The following DHRS2 variants were observed in gnomAD, a reference collection of about 807,000 sequenced individuals.
DHRS2 encodes the protein dehydrogenase/reductase SDR family member 2, mitochondrial.
Under a neutral mutation model 26.3 loss-of-function variants are expected in DHRS2, and 29 were observed. That is an observed-to-expected ratio of 1.10 (90% CI 0.82 to 1.50). The LOEUF is 1.50. Ranked by LOEUF, DHRS2 falls within the 40% of genes most tolerant of loss-of-function variation. DHRS2 has a pLI of 0.00. For synonymous variants in DHRS2, 164 were observed against 151.3 expected (o/e 1.08, Z -0.62); for missense variants, 439 against 367.1 (o/e 1.20, Z -1.60).
At chr14:23,639,477 C>G (rs1377552813) in intron 3 of DHRS2, 121 bp downstream of exon 3, 4 of 1,349,224 alleles carry the variant, frequency 3.0e-6, no homozygotes, top group Non-Finnish European at 3.9e-6. Context: ...ACCCAGGCTG[C>G]CCAAGCTAAC....
In DHRS2 at chr14:23,639,021, C is replaced by T; in HGVS notation, c.140+17C>T. The T allele has an allele frequency of 6.2e-7, 1 of 1,611,574 alleles. No individual in the cohort carries two copies. Among genetic ancestry groups the T allele is most frequent in the Non-Finnish European group, 8.5e-7 (1 of 1,179,402 alleles). Reference sequence around the variant, plus strand: ...CACCAGTGGGTGAGTGCTGGATTGCCCATGGGTCCTGGCCCCTCACAGGGT... The same window carrying T: ...CACCAGTGGGTGAGTGCTGGATTGCTCATGGGTCCTGGCCCCTCACAGGGT... On this transcript the variant is annotated intron_variant, in intron 2 of 8. Transcript: ENST00000250383.
At chr14:23,634,091 G>A (rs1594234130), upstream of DHRS2, among the ~76,000 whole-genome samples, 2 of 92,688 alleles carry the variant, frequency 2.2e-5, no homozygotes, top group Non-Finnish European at 1.9e-5. Flanking sequence ...TTTTTGAGAC[G>A]GAGTCTCCCT....
rs200052546 is a variant in DHRS2 at position 23,644,134 on chromosome 14, C to T, written c.512C>T (p.Ser171Phe). The T allele has an allele frequency of 6.2e-6, 10 of 1,614,196 alleles. No individual in the cohort carries two copies. The African/African-American group carries it at 1.3e-4, about 22-fold the overall frequency. ...AGGAGGGGTGCTGTCATCCTGGTCT[C>T]TTCCATTGCAGCTTATAATCCAGTA... ...ENRRGAVILV[S>F]SIAAYNPVVA... The change falls in exon 6 of 9, where the codon TCT becomes TTT. Residue 171 changes from serine to phenylalanine, a missense_variant. Coordinates refer to ENST00000250383, the MANE Select transcript of DHRS2 (RefSeq NM_005794.4).
intron 2 of DHRS2, 70 bp downstream of exon 2, chr14:23,639,074 T>A: frequency 6.3e-7 from 1 of 1,593,946 alleles, no homozygotes; most frequent in Non-Finnish European, 8.5e-7. Flanking sequence ...GGACTCAGGG[T>A]TTTAAAGCAA....
chr14:23,641,852 C>T, intron 4 of DHRS2: 5 of 1,239,000 alleles, frequency 4.0e-6, no homozygotes, highest in Admixed American at 2.6e-5. Context: ...GTGAACAGTC[C>T]TGGTGAGTTG....
intron 1 of DHRS2, 142 bp from the exon 2 acceptor site, chr14:23,638,685 C>G: frequency 1.3e-6 from 1 of 782,932 alleles, no homozygotes; most frequent in Non-Finnish European, 2.0e-6. Context: ...CTGAGGTTCA[C>G]ATGTTTGAAA....
At chr14:23,633,869 TG>T (rs1047166171), upstream of DHRS2, among the ~76,000 whole-genome samples, 15 of 152,196 alleles carry the variant, frequency 9.9e-5, no homozygotes, top group African/African-American at 3.6e-4. Context: ...TTAAGCTGCT[TG>T]AATTTTAAAA....
rs1331444099 is a variant in DHRS2, at chr14:23,645,202, C to T, written c.792C>T (p.Ser264=). Residue 264 remains serine, a synonymous_variant, in exon 9 of 9, where the codon AGC becomes AGT. Coordinates refer to ENST00000250383, the MANE Select transcript of DHRS2 (RefSeq NM_005794.4). ...CCTTCCTGTGCTCTCCAGATGCCAG[C>T]TACGTCAACGGGGAGAACATTGCGG... ...IVSFLCSPDA[S]YVNGENIAVA... 1 of 1,614,072 alleles carries T rather than the reference C, an allele frequency of 6.2e-7. No homozygotes were observed.
intron 4 of DHRS2, 127 bp downstream of exon 4, chr14:23,640,022 G>A: frequency 3.4e-6 from 3 of 890,032 alleles, no homozygotes; most frequent in Non-Finnish European, 4.6e-6. Flanking sequence ...GCCCTGGGTG[G>A]TAGTCCTGCC....
intron 6 of DHRS2, 46 bp from the exon 7 acceptor site, chr14:23,644,363 C>T: frequency 6.2e-7 from 1 of 1,609,514 alleles, no homozygotes; most frequent in Non-Finnish European, 8.5e-7. Context: ...CTGATGCTTT[C>T]CCCCACTCTC....
upstream of DHRS2, among the ~76,000 whole-genome samples, chr14:23,635,885 C>T (rs139552199): frequency 3.1e-3 from 470 of 152,378 alleles, 2 homozygotes; most frequent in African/African-American, 0.011. Context: ...CCAGCTGGGC[C>T]TGACTGGGGG....
chr14:23,643,427 C>T, intron 5 of DHRS2: 1 of 564,442 alleles, frequency 1.8e-6, no homozygotes, highest in Non-Finnish European at 3.2e-6. Flanking sequence ...TCCAGGGGCC[C>T]AGGCATAGCC....
chr14:23,643,024 T>G (rs916958651), intron 4 of DHRS2, 128 bp from the exon 5 acceptor site: 1 of 843,482 alleles, frequency 1.2e-6, no homozygotes. Context: ...AGAAGGGGGA[T>G]TGGTTTCTCT....
Position 23,644,847 on chromosome 14 carries a change from C to T in DHRS2, c.696C>T (p.Leu232=). 6.2e-7 allele frequency: 1 copy of T among 1,614,202 alleles called. No homozygotes were observed. Among genetic ancestry groups the T allele is most frequent in the South Asian group, 1.1e-5 (1 of 91,088 alleles). Residue 232 remains leucine, a synonymous_variant, in exon 8 of 9, where the codon CTC becomes CTT. Coordinates refer to ENST00000250383, the MANE Select transcript of DHRS2 (RefSeq NM_005794.4). ...FSKVFHGNES[L]WKNFKEHHQL... ...CCCAGTTTCATGGGAATGAGTCTCT[C>T]TGGAAGAACTTCAAGGAACATCATC...
chr14:23,639,152 AC>A, intron 2 of DHRS2, 26 bp from the exon 3 acceptor site: 3 of 1,609,472 alleles, frequency 1.9e-6, no homozygotes, highest in Non-Finnish European at 2.5e-6. Flanking sequence ...GCTGAGGCTG[AC>A]TTTTGCCCTC....
upstream of DHRS2, among the ~76,000 whole-genome samples, chr14:23,634,879 G>T (rs540368267): frequency 7.9e-5 from 12 of 152,232 alleles, no homozygotes; most frequent in Non-Finnish European, 1.5e-4. Context: ...TTGTTTGGAA[G>T]TGTGTAGCAC....
rs1890292087 is a variant in DHRS2 at position 23,636,510 on chromosome 14, G to A, written c.-301G>A. On this transcript the variant is annotated 5_prime_UTR_variant, in exon 1 of 9. Transcript: ENST00000250383. ...CGAAGGTCTGCAACTTCACTCCTGG[G>A]GCCAGCAAGACCACGAATGCACCGA... The A allele has an allele frequency of 6.6e-6, 1 of 151,954 alleles. No homozygotes were observed. Among genetic ancestry groups the A allele is most frequent in the Non-Finnish European group, 1.5e-5 (1 of 68,080 alleles). 9.4% of individuals were successfully genotyped at this position (151,954 alleles called of 1,614,324 possible). A position where few individuals can be genotyped will look rare whatever the true frequency, so the allele number is the denominator to read the frequency against.
rs762903637 is a variant in DHRS2, at chr14:23,645,302, A to G, written c.*49A>G. 6.2e-6 allele frequency: 10 copies of G among 1,612,674 alleles called. No homozygotes were observed. The East Asian group carries it at 2.2e-4, about 36-fold the overall frequency. On this transcript the variant is annotated 3_prime_UTR_variant, in exon 9 of 9. Coordinates refer to ENST00000250383, the MANE Select transcript of DHRS2 (RefSeq NM_005794.4). ...CTGTGGTCCCAGGCCCAGGAGCCTGAGGGGGTGTCTAGGTGATCATTTGGA... is the reference window on the plus strand; with the variant it reads ...CTGTGGTCCCAGGCCCAGGAGCCTGGGGGGGTGTCTAGGTGATCATTTGGA...
chr14:23,642,828 A>G (rs1890723084), intron 4 of DHRS2: 1 of 231,648 alleles, frequency 4.3e-6, no homozygotes. Context: ...TTGGCCTCCT[A>G]AAGTGCTGAG....
Sources: allele counts gnomAD v4.1 joint callset (sites outside exome capture counted in the v4.1 genomes callset), GRCh38; gene constraint gnomAD v4.1.1; transcripts MANE v1.5; gene names NCBI Gene and HGNC (gene_info 2026-07-23, HGNC 2026-07-21).